Variants in SLC17A1 observed in about 807,000 individuals in gnomAD.
SLC17A1 encodes the protein sodium-dependent phosphate transport protein 1.
In SLC17A1, 51 loss-of-function variants were observed where a neutral mutation model predicts 53.5. The ratio of observed to expected loss-of-function variants is 0.95; its 90% confidence interval spans 0.76 to 1.20. The LOEUF is 1.20. Ranked by LOEUF, SLC17A1 falls within the 50% of genes most tolerant of loss-of-function variation. The pLI is 0.00. For synonymous variants in SLC17A1, 179 were observed against 198.8 expected, an observed-to-expected ratio of 0.90 and a Z score of 0.84; for missense variants, 538 against 568.2, an observed-to-expected ratio of 0.95 and a Z score of 0.54.
At chr6:25,793,722 AT>A (rs907993182) in intron 12 of SLC17A1, among the ~76,000 whole-genome samples, 5 of 152,124 alleles carry the variant, frequency 3.3e-5, no homozygotes, top group African/African-American at 1.2e-4. Flanking sequence ...GGGTCTGTGA[AT>A]TTACATAGAA....
At chr6:25,742,621 A>G in the SLC17A1 span, among the ~76,000 whole-genome samples, 15 of 151,700 alleles carry the variant, frequency 9.9e-5, no homozygotes, top group African/African-American at 3.6e-4. Flanking sequence ...TGCTGGTGGA[A>G]GTGTACAATG....
intron 2 of SLC17A1, among the ~76,000 whole-genome samples, chr6:25,827,132 T>C (rs1027252145): frequency 2.0e-5 from 3 of 152,126 alleles, no homozygotes; most frequent in African/African-American, 4.8e-5. Flanking sequence ...AGTTCATTGA[T>C]GGAAGAAAGT....
intron 12 of SLC17A1, among the ~76,000 whole-genome samples, chr6:25,784,742 C>T (rs147142373): frequency 1.5e-3 from 227 of 152,202 alleles, no homozygotes; most frequent in African/African-American, 4.6e-3. Flanking sequence ...TAGAGTCATA[C>T]GGCTCTGAAA....
chr6:25,768,779 C>T, the SLC17A1 span, among the ~76,000 whole-genome samples: 1 of 152,176 alleles, frequency 6.6e-6, no homozygotes, highest in African/African-American at 2.4e-5. Flanking sequence ...ACACATTCTT[C>T]AAGTCTCTGA....
chr6:25,756,715 G>A, the SLC17A1 span, among the ~76,000 whole-genome samples: 14 of 152,282 alleles, frequency 9.2e-5, no homozygotes, highest in African/African-American at 3.4e-4. Context: ...GCAATTTAAT[G>A]AGAACTAAGT....
chr6:25,774,871 C>T, the SLC17A1 span, among the ~76,000 whole-genome samples: 1 of 152,200 alleles, frequency 6.6e-6, no homozygotes. Flanking sequence ...TCGGCTTACG[C>T]ATCTGTAAAA....
the SLC17A1 span, among the ~76,000 whole-genome samples, chr6:25,744,667 G>A: frequency 6.6e-6 from 1 of 152,140 alleles, no homozygotes; most frequent in Non-Finnish European, 1.5e-5. Flanking sequence ...TTAATGGTAT[G>A]CTATTGTGCA....
the SLC17A1 span, among the ~76,000 whole-genome samples, chr6:25,728,241 G>A: frequency 5.8e-4 from 88 of 152,246 alleles, 2 homozygotes; most frequent in East Asian, 0.013. Context: ...GAACTCTGGA[G>A]AACTCACAAA....
intron 12 of SLC17A1, among the ~76,000 whole-genome samples, chr6:25,795,727 G>A (rs1209933849): frequency 1.6e-5 from 2 of 121,300 alleles, no homozygotes; most frequent in East Asian, 2.7e-4. Context: ...AGTATTCCAG[G>A]GAATCTAAAA....
chr6:25,729,799 T>G, the SLC17A1 span, among the ~76,000 whole-genome samples: 41,279 of 151,866 alleles, frequency 0.27, 6,801 homozygotes, highest in East Asian at 0.7. Context: ...TATTGGTTTC[T>G]TGATAGATTT....
chr6:25,806,186 A>C (rs1259578210), intron 10 of SLC17A1, among the ~76,000 whole-genome samples: 3 of 152,104 alleles, frequency 2.0e-5, no homozygotes, highest in Non-Finnish European at 4.4e-5. Context: ...ATACACCATG[A>C]TTAAGTGGGT....
intron 4 of SLC17A1, 40 bp from the exon 5 acceptor site, chr6:25,819,638 C>T (rs199609458): frequency 1.9e-6 from 3 of 1,611,506 alleles, no homozygotes; most frequent in Non-Finnish European, 2.5e-6. Flanking sequence ...TCTAATACTT[C>T]CTGTGAATTT....
intron 3 of SLC17A1, among the ~76,000 whole-genome samples, chr6:25,820,912 A>G (rs2151501625): frequency 6.6e-6 from 1 of 151,630 alleles, no homozygotes; most frequent in Non-Finnish European, 1.5e-5. Flanking sequence ...AAAAAAAAAA[A>G]AAAAAGAATG....
the SLC17A1 span, among the ~76,000 whole-genome samples, chr6:25,759,347 T>G: frequency 1.9e-4 from 29 of 152,216 alleles, no homozygotes; most frequent in African/African-American, 7.0e-4. Context: ...GTCCATTGTT[T>G]CTTTGCTGAC....
the SLC17A1 span, among the ~76,000 whole-genome samples, chr6:25,742,877 C>A: frequency 6.6e-6 from 1 of 152,174 alleles, no homozygotes; most frequent in Non-Finnish European, 1.5e-5. Flanking sequence ...ATAACATATG[C>A]CTTAACCATG....
the SLC17A1 span, among the ~76,000 whole-genome samples, chr6:25,767,214 T>C: frequency 2.0e-4 from 31 of 152,236 alleles, no homozygotes; most frequent in African/African-American, 6.7e-4. Context: ...AAATAGCACA[T>C]ACATATGTAC....
the SLC17A1 span, among the ~76,000 whole-genome samples, chr6:25,775,073 T>A: frequency 6.6e-6 from 1 of 152,210 alleles, no homozygotes. Flanking sequence ...CTCATGCCTA[T>A]AATCCCAACA....
At chr6:25,773,783 C>G in the SLC17A1 span, 1 of 1,101,098 alleles carries the variant, frequency 9.1e-7, no homozygotes, top group East Asian at 2.5e-5. Flanking sequence ...GGGATTAGGA[C>G]CAGGCAGGAC....
At chr6:25,732,720 TGC>T in the SLC17A1 span, 1 of 1,299,026 alleles carries the variant, frequency 7.7e-7, no homozygotes, top group South Asian at 1.2e-5. Flanking sequence ...CTCGACAAGC[TGC>T]TGGCCCGAGT....
Sources: allele counts gnomAD v4.1 joint callset (sites outside exome capture counted in the v4.1 genomes callset), GRCh38; gene constraint gnomAD v4.1.1; transcripts MANE v1.5; gene names NCBI Gene and HGNC (gene_info 2026-07-23, HGNC 2026-07-21).